PRKG1: variants seen among roughly 807,000 people sequenced by gnomAD.
The protein encoded by PRKG1 is cGMP-dependent protein kinase 1.
PRKG1 carries 35 observed loss-of-function variants against 88.1 expected under a neutral mutation model. The observed-to-expected ratio is 0.40, with a 90% CI of 0.30 to 0.53. The LOEUF (loss-of-function observed/expected upper bound fraction) is 0.53. PRKG1 is among the 20% of genes least tolerant of loss of function. PRKG1 has a pLI of 0.59. For missense variants in PRKG1, 540 were observed against 839.8 expected, an observed-to-expected ratio of 0.64 and a Z score of 4.41; for synonymous variants, 303 against 292.5, an observed-to-expected ratio of 1.04 and a Z score of -0.37.
intron 3 of PRKG1, among the ~76,000 whole-genome samples, chr10:51,618,989 C>T (rs1431782893): frequency 2.1e-5 from 3 of 143,742 alleles, no homozygotes; most frequent in African/African-American, 7.8e-5. Flanking sequence ...GTTGGCCAGG[C>T]TGGTCTCCAT....
At chr10:51,260,896 A>G (rs1302187992) in intron 2 of PRKG1, among the ~76,000 whole-genome samples, 1 of 152,240 alleles carries the variant, frequency 6.6e-6, no homozygotes, top group Middle Eastern at 3.2e-3. Context: ...ACCATAATAT[A>G]TAAGACAAGT....
At chr10:51,178,338 A>T (rs1399525396) in intron 2 of PRKG1, among the ~76,000 whole-genome samples, 1 of 152,116 alleles carries the variant, frequency 6.6e-6, no homozygotes, top group African/African-American at 2.4e-5. Context: ...CACATAATGC[A>T]TACATTTAAA....
chr10:51,284,865 C>CTTTTTTTTTTTTTTTTTTTTTTTTGTTTT (rs5784867), intron 2 of PRKG1, among the ~76,000 whole-genome samples: 2 of 51,668 alleles, frequency 3.9e-5, no homozygotes, highest in Non-Finnish European at 7.1e-5. Flanking sequence ...GTTGTGGGTA[C>CTTTTTTTTTTTTTTTTTTTTTTTTGTTTT]TTTTTTTTTT....
intron 3 of PRKG1, among the ~76,000 whole-genome samples, chr10:51,801,781 C>G (rs934250215): frequency 1.3e-5 from 2 of 152,002 alleles, no homozygotes; most frequent in African/African-American, 4.8e-5. Context: ...TGAAGTTGTT[C>G]TCAATGTACT....
intron 3 of PRKG1, among the ~76,000 whole-genome samples, chr10:51,790,953 A>T (rs1051805771): frequency 6.6e-6 from 1 of 152,122 alleles, no homozygotes; most frequent in Non-Finnish European, 1.5e-5. Flanking sequence ...ACTTCCTATA[A>T]TGGAAAACTT....
At chr10:51,804,800 A>G (rs1185347198) in intron 4 of PRKG1, 110 bp downstream of exon 4, 6 of 699,870 alleles carry the variant, frequency 8.6e-6, no homozygotes, top group African/African-American at 1.8e-5. Flanking sequence ...TCTCAGTCAT[A>G]ATAGTCTACA....
At chr10:51,998,361 T>G (rs2133143810) in intron 5 of PRKG1, among the ~76,000 whole-genome samples, 1 of 152,296 alleles carries the variant, frequency 6.6e-6, no homozygotes, top group Non-Finnish European at 1.5e-5. Context: ...AAATGGAAGT[T>G]TATGGATACT....
At chr10:51,245,756 C>T (rs967057923) in intron 2 of PRKG1, 1 of 152,034 alleles carries the variant, frequency 6.6e-6, no homozygotes, top group African/African-American at 2.4e-5. Flanking sequence ...TAAGAGAACA[C>T]TGAGACTGAA....
At chr10:51,716,045 T>C (rs182688199) in intron 3 of PRKG1, among the ~76,000 whole-genome samples, 2 of 152,334 alleles carry the variant, frequency 1.3e-5, no homozygotes, top group East Asian at 3.9e-4. Flanking sequence ...AGCATCATAA[T>C]GGTTCCATAT....
At chr10:52,260,283 C>T (rs1841403394) in intron 10 of PRKG1, among the ~76,000 whole-genome samples, 1 of 152,088 alleles carries the variant, frequency 6.6e-6, no homozygotes, top group South Asian at 2.1e-4. Flanking sequence ...TGTAATAAGA[C>T]ATTAAGATCT....
At chr10:51,402,909 C>T (rs942098930) in intron 2 of PRKG1, among the ~76,000 whole-genome samples, 12 of 152,188 alleles carry the variant, frequency 7.9e-5, no homozygotes, top group Admixed American at 1.3e-4. Context: ...TTGATGCCCT[C>T]GCATCTCACA....
rs1278911659 is a variant in PRKG1, at chr10:51,373,970, T to C, written c.479-93753T>C. The stretch of plus-strand genomic sequence containing the variant: ...CAGCCTGGCTAACATGGTGAAACCC[T>C]GTCTCTAGTAAAACTACAAAAATTA... On this transcript the variant is annotated intron_variant, in intron 2 of 17. Coordinates refer to ENST00000373980, the MANE Select transcript of PRKG1 (RefSeq NM_006258.4). Among the ~76,000 whole-genome samples the C allele has an allele frequency of 1.2e-4, 18 of 151,388 alleles. No individual in the cohort carries two copies. In the South Asian group the frequency reaches 3.6e-3, roughly 30 times the overall value.
At chr10:51,610,929 A>G (rs1838890095) in intron 3 of PRKG1, among the ~76,000 whole-genome samples, 1 of 152,108 alleles carries the variant, frequency 6.6e-6, no homozygotes, top group African/African-American at 2.4e-5. Context: ...ATCAGGACAA[A>G]TAGCTAATGC....
Position 52,251,514 on chromosome 10 carries a change from G to A in PRKG1, c.1077-56G>A, listed in dbSNP as rs1841168156. ...ATGTCATTCTGGTACAGATGTACGT[G>A]GTACTCGTGTTTGCACCTCTAAGAA... On this transcript the variant is annotated intron_variant, in intron 9 of 17. Transcript: ENST00000373980. 1.7e-5 allele frequency: 22 copies of A among 1,274,718 alleles called. No homozygotes were observed. In the South Asian group the frequency reaches 2.5e-4, roughly 15 times the overall value. 79.0% of individuals were successfully genotyped at this position (1,274,718 alleles called of 1,614,324 possible).
At chr10:51,139,423 TC>T (rs758838123) in intron 1 of PRKG1, among the ~76,000 whole-genome samples, 1 of 152,136 alleles carries the variant, frequency 6.6e-6, no homozygotes. Flanking sequence ...TTGAAATGCT[TC>T]CCTCTCACCA....
chr10:52,069,423 CG>C (rs889991054), intron 7 of PRKG1, among the ~76,000 whole-genome samples: 4 of 151,886 alleles, frequency 2.6e-5, no homozygotes, highest in African/African-American at 9.7e-5. Context: ...TCCAGCTACT[CG>C]GGGGGCTGAA....
chr10:51,787,119 T>C (rs1328135634), intron 3 of PRKG1, among the ~76,000 whole-genome samples: 1 of 152,178 alleles, frequency 6.6e-6, no homozygotes, highest in Non-Finnish European at 1.5e-5. Flanking sequence ...GGTTGGATAA[T>C]CTTCATAAAA....
At chr10:52,155,632 C>A (rs1228139794) in intron 8 of PRKG1, among the ~76,000 whole-genome samples, 1 of 151,244 alleles carries the variant, frequency 6.6e-6, no homozygotes, top group African/African-American at 2.4e-5. Flanking sequence ...AGGATACATG[C>A]CAAAGTGTTA....
intron 9 of PRKG1, among the ~76,000 whole-genome samples, chr10:52,165,504 C>G (rs1347961358): frequency 5.9e-5 from 9 of 152,120 alleles, no homozygotes; most frequent in Admixed American, 4.6e-4. Flanking sequence ...GTTAATGCCT[C>G]TAAATTTTTA....
Sources: gnomAD v4.1 joint callset for allele counts (sites outside exome capture counted in the v4.1 genomes callset) on GRCh38, gnomAD v4.1.1 for gene constraint, MANE v1.5 for transcripts, NCBI Gene and HGNC (gene_info 2026-07-23, HGNC 2026-07-21) for gene names.